The following TBC1D19 variants were observed in gnomAD, a reference collection of about 807,000 sequenced individuals.
TBC1D19 encodes TBC1 domain family member 19, also known as TBC1 domain family, member 19.
In TBC1D19, 60 loss-of-function variants were observed where a neutral mutation model predicts 89.0. That is an observed-to-expected ratio of 0.67 (90% CI 0.55 to 0.84). The LOEUF is 0.84. Among genes scored for constraint, TBC1D19 ranks in the 40% least tolerant of loss-of-function variants. TBC1D19 has a pLI of 0.00. For missense variants in TBC1D19, 500 were observed against 610.8 expected (o/e 0.82, Z 1.91); for synonymous variants, 189 against 199.7 (o/e 0.95, Z 0.45).
the TBC1D19 span, among the ~76,000 whole-genome samples, chr4:26,776,675 A>C: frequency 3.3e-5 from 5 of 152,182 alleles, no homozygotes; most frequent in Non-Finnish European, 7.4e-5. Flanking sequence ...TTAAGTTTAT[A>C]TGTTGATAAG....
the TBC1D19 span, among the ~76,000 whole-genome samples, chr4:26,810,508 C>T: frequency 6.6e-6 from 1 of 152,160 alleles, no homozygotes; most frequent in African/African-American, 2.4e-5. Flanking sequence ...TTCTCTGGTC[C>T]TATCTTTGCC....
In TBC1D19 at chr4:26,683,410, A is replaced by G. The variant is rs557420622; in HGVS notation, c.817-265A>G. On this transcript the variant is annotated intron_variant, in intron 11 of 20. Coordinates refer to ENST00000264866, the MANE Select transcript of TBC1D19 (RefSeq NM_018317.4). ...CCTGGCACCTGTAAGTACTTAATAA[A>G]TACTGTATTTGCTATTAAAGTTAAA... 1.4e-3 allele frequency among the ~76,000 whole-genome samples: 213 copies of G among 152,324 alleles called. 1 individual carries two copies. Among genetic ancestry groups the G allele is most frequent in the South Asian group, 6.8e-3 (33 of 4,830 alleles).
chr4:26,741,130 G>A (rs2109315461), intron 17 of TBC1D19, among the ~76,000 whole-genome samples: 1 of 152,194 alleles, frequency 6.6e-6, no homozygotes, highest in East Asian at 1.9e-4. Flanking sequence ...GCCGAGGCGG[G>A]TGGATCATGA....
intron 13 of TBC1D19, 96 bp from the exon 14 acceptor site, chr4:26,717,837 C>T: frequency 1.0e-6 from 1 of 978,922 alleles, no homozygotes; most frequent in Non-Finnish European, 1.6e-6. Context: ...AGGCACGGTA[C>T]TTGAACTTGA....
intron 15 of TBC1D19, 32 bp downstream of exon 15, chr4:26,720,157 G>C (rs778622466): frequency 6.5e-7 from 1 of 1,527,342 alleles, no homozygotes; most frequent in Non-Finnish European, 8.8e-7. Context: ...CCTCTAGTGG[G>C]AAGTGAAAAA....
intron 1 of TBC1D19, among the ~76,000 whole-genome samples, chr4:26,604,765 T>TA (rs1386183999): frequency 6.6e-6 from 1 of 151,564 alleles, no homozygotes; most frequent in Non-Finnish European, 1.5e-5. Flanking sequence ...CCTGTAGTCC[T>TA]AGCTACTCGG....
the TBC1D19 span, among the ~76,000 whole-genome samples, chr4:26,773,963 G>A: frequency 5.7e-3 from 873 of 152,278 alleles, 6 homozygotes; most frequent in African/African-American, 0.02. Context: ...CCTTCCTCAG[G>A]TGCCTCTGCT....
the TBC1D19 span, among the ~76,000 whole-genome samples, chr4:26,778,735 C>A: frequency 6.6e-6 from 1 of 152,150 alleles, no homozygotes; most frequent in African/African-American, 2.4e-5. Flanking sequence ...CCCATTAGAA[C>A]TGAAGAATCT....
chr4:26,607,138 A>G (rs1741063891), intron 1 of TBC1D19, among the ~76,000 whole-genome samples: 1 of 152,186 alleles, frequency 6.6e-6, no homozygotes, highest in Non-Finnish European at 1.5e-5. Context: ...TGAAGGATGT[A>G]TGCAGGACCA....
chr4:26,779,301 G>A, the TBC1D19 span, among the ~76,000 whole-genome samples: 1 of 152,158 alleles, frequency 6.6e-6, no homozygotes, highest in African/African-American at 2.4e-5. Context: ...AACTCCACCT[G>A]AGAGCAAAAA....
At chr4:26,613,107 G>T in intron 1 of TBC1D19, 62 bp from the exon 2 acceptor site, 2 of 1,160,712 alleles carry the variant, frequency 1.7e-6, no homozygotes, top group South Asian at 1.5e-5. Context: ...CAACCCAAAT[G>T]ATTTACTTTG....
At chr4:26,779,207 C>T in the TBC1D19 span, among the ~76,000 whole-genome samples, 1 of 152,168 alleles carries the variant, frequency 6.6e-6, no homozygotes, top group African/African-American at 2.4e-5. Context: ...AATGAAACTA[C>T]CGGAAGCCTC....
Position 26,748,468 on chromosome 4 carries a change from T to C in TBC1D19, c.1377T>C (p.Asp459=). The C allele has an allele frequency of 6.2e-7, 1 of 1,613,966 alleles. No individual in the cohort carries two copies. The highest frequency in any genetic ancestry group is 1.3e-5 in the African/African-American group (1 of 75,046). Residue 459 remains aspartate (D), a synonymous_variant, in exon 19 of 21, where the codon GAT becomes GAC. Coordinates refer to ENST00000264866, the MANE Select transcript of TBC1D19 (RefSeq NM_018317.4). ...CTTTCTCTGGATACTTAGCTACAGA[T>C]CAGCTCTTGCTTTTATGGGATAGAA... ...VRAFSGYLAT[D]QLLLLWDRIL... is the part of the protein sequence containing the mutation.
chr4:26,617,721 TGTTA>T (rs1355582902), intron 3 of TBC1D19, among the ~76,000 whole-genome samples: 1 of 152,220 alleles, frequency 6.6e-6, no homozygotes, highest in African/African-American at 2.4e-5. Flanking sequence ...TATTTCTGTG[TGTTA>T]GTCTTCATTG....
upstream of TBC1D19, among the ~76,000 whole-genome samples, chr4:26,582,460 A>G (rs1454575579): frequency 6.6e-6 from 1 of 152,136 alleles, no homozygotes; most frequent in Non-Finnish European, 1.5e-5. Context: ...CAGCTGAAGC[A>G]TCTTTATCTC....
intron 1 of TBC1D19, among the ~76,000 whole-genome samples, chr4:26,597,543 TA>T (rs77765936): frequency 0.018 from 2,567 of 144,238 alleles, 129 homozygotes; most frequent in African/African-American, 0.059. Flanking sequence ...TTTTTTTTTT[TA>T]AGTAGAGACG....
intron 1 of TBC1D19, among the ~76,000 whole-genome samples, chr4:26,584,666 T>C (rs961164397): frequency 6.6e-6 from 1 of 152,180 alleles, no homozygotes; most frequent in African/African-American, 2.4e-5. Context: ...GCTTGGACCA[T>C]GCCTTCCCTC....
chr4:26,612,391 G>A (rs1293068667), intron 1 of TBC1D19, among the ~76,000 whole-genome samples: 3 of 151,866 alleles, frequency 2.0e-5, no homozygotes, highest in African/African-American at 7.3e-5. Flanking sequence ...TTTTATTGAT[G>A]AAGATTTAAA....
At chr4:26,851,861 G>C in the TBC1D19 span, among the ~76,000 whole-genome samples, 71 of 152,318 alleles carry the variant, frequency 4.7e-4, no homozygotes, top group Non-Finnish European at 1.0e-4. Flanking sequence ...GACTACAGGC[G>C]TGTGCCACCA....
Sources: gnomAD v4.1 joint callset for allele counts (sites outside exome capture counted in the v4.1 genomes callset) on GRCh38, gnomAD v4.1.1 for gene constraint, MANE v1.5 for transcripts, NCBI Gene and HGNC (gene_info 2026-07-23, HGNC 2026-07-21) for gene names.